The following TRPS1 variants were observed in gnomAD, a reference collection of about 807,000 sequenced individuals.
TRPS1 encodes the protein transcriptional repressor GATA binding 1, also known as zinc finger transcription factor Trps1.
In TRPS1, 6 loss-of-function variants were observed where a neutral mutation model predicts 101.2. The observed-to-expected ratio is 0.06, with a 90% CI of 0.03 to 0.12. The LOEUF (loss-of-function observed/expected upper bound fraction) is 0.12, where lower values mean the gene tolerates loss of function less well. TRPS1 is among the 10% of genes least tolerant of loss of function. The pLI, the probability that TRPS1 is intolerant of heterozygous loss-of-function variation, is 1.00. For synonymous variants in TRPS1, 578 were observed against 589.8 expected (o/e 0.98, Z 0.29); for missense variants, 1,363 against 1,567.0 (o/e 0.87, Z 2.20).
At position 115,647,394 on chromosome 8, in the gene TRPS1, G is replaced by A. The variant is rs140534112; in HGVS notation, c.-122+21151C>T. On this transcript the variant is annotated intron_variant, in intron 1 of 6. Transcript: ENST00000395715. Reference sequence around the variant, plus strand: ...AAAACTTGATAGGGATCCACGTATAGCTACTGTCTTAAAGTTCATAATTTA... The same window carrying A: ...AAAACTTGATAGGGATCCACGTATAACTACTGTCTTAAAGTTCATAATTTA... Among the ~76,000 whole-genome samples the A allele has an allele frequency of 1.1e-3, 161 of 152,248 alleles. 2 individuals carry two copies. The highest frequency in any genetic ancestry group is 3.7e-3 in the African/African-American group (155 of 41,570).
intron 1 of TRPS1, among the ~76,000 whole-genome samples, chr8:115,625,056 C>T (rs1325967926): frequency 6.6e-6 from 1 of 151,834 alleles, no homozygotes; most frequent in African/African-American, 2.4e-5. Context: ...TCAACTATCA[C>T]AGTAATTTAA....
chr8:115,538,453 C>T (rs879944950), intron 5 of TRPS1, among the ~76,000 whole-genome samples: 1 of 152,104 alleles, frequency 6.6e-6, no homozygotes, highest in Non-Finnish European at 1.5e-5. Flanking sequence ...GCATTACTAG[C>T]ACCATTTGGT....
chr8:115,653,614 A>G (rs1157647677), intron 1 of TRPS1, among the ~76,000 whole-genome samples: 1 of 152,210 alleles, frequency 6.6e-6, no homozygotes, highest in African/African-American at 2.4e-5. Context: ...TATTTACAAG[A>G]TATTTATAAA....
At position 115,443,181 on chromosome 8, in the gene TRPS1, A is replaced by G. The variant is rs189107462; in HGVS notation, c.2701-24729T>C. 8.2e-3 allele frequency among the ~76,000 whole-genome samples: 1,247 copies of G among 152,228 alleles called. 65 individuals carry two copies. Among genetic ancestry groups the G allele is most frequent in the Admixed American group, 0.074 (1,124 of 15,292 alleles). On this transcript the variant is annotated intron_variant, in intron 5 of 6. Coordinates refer to ENST00000395715, the MANE Select transcript of TRPS1 (RefSeq NM_014112.5). The stretch of plus-strand genomic sequence containing the variant: ...GCTACTTGGGAGGCTGAGGCAGGAC[A>G]ATCGCTTGAACCCAGAAGGCAAAGG...
At chr8:115,509,586 T>C (rs1815530197) in intron 5 of TRPS1, 1 of 152,076 alleles carries the variant, frequency 6.6e-6, no homozygotes, top group African/African-American at 2.4e-5. Context: ...CTAATTAATG[T>C]TCTTATCATT....
intron 5 of TRPS1, among the ~76,000 whole-genome samples, chr8:115,461,888 A>T (rs1814189095): frequency 1.3e-5 from 2 of 152,202 alleles, no homozygotes. Context: ...TAAAAATAAT[A>T]TAACGAAAGT....
chr8:115,646,890 T>G (rs1338156488), intron 1 of TRPS1, among the ~76,000 whole-genome samples: 1 of 152,180 alleles, frequency 6.6e-6, no homozygotes, highest in Non-Finnish European at 1.5e-5. Context: ...TTAAATACTA[T>G]AACTTATGAA....
chr8:115,663,707 T>G (rs1811858412), intron 1 of TRPS1, among the ~76,000 whole-genome samples: 2 of 138,390 alleles, frequency 1.4e-5, no homozygotes. Flanking sequence ...TTTGGATTTG[T>G]GCTCTTGGAA....
At chr8:115,471,596 A>T (rs1814470680) in intron 5 of TRPS1, among the ~76,000 whole-genome samples, 1 of 152,192 alleles carries the variant, frequency 6.6e-6, no homozygotes, top group Non-Finnish European at 1.5e-5. Flanking sequence ...ATGACTTCCC[A>T]ACAGTTCCCC....
chr8:115,533,446 T>TTTGTTTTTTTG (rs1343944740), intron 5 of TRPS1, among the ~76,000 whole-genome samples: 2 of 130,746 alleles, frequency 1.5e-5, no homozygotes, highest in African/African-American at 6.2e-5. Context: ...GTTTTTTTTT[T>TTTGTTTTTTTG]TTTTTTTTTT....
At chr8:115,600,162 C>A (rs1264090445) in intron 4 of TRPS1, among the ~76,000 whole-genome samples, 1 of 152,096 alleles carries the variant, frequency 6.6e-6, no homozygotes, top group African/African-American at 2.4e-5. Context: ...TTCATATAGT[C>A]TCATGTTGCT....
At chr8:115,631,881 A>T (rs1818654106) in intron 1 of TRPS1, among the ~76,000 whole-genome samples, 1 of 152,096 alleles carries the variant, frequency 6.6e-6, no homozygotes, top group South Asian at 2.1e-4. Context: ...AGAATCAGAT[A>T]TCATAGCTCT....
intron 1 of TRPS1, among the ~76,000 whole-genome samples, chr8:115,638,103 A>G (rs1462078869): frequency 6.6e-6 from 1 of 152,190 alleles, no homozygotes; most frequent in Non-Finnish European, 1.5e-5. Flanking sequence ...CAGTAGTTAA[A>G]ATAAGGGCCA....
At chr8:115,608,749 G>C (rs1034517094) in intron 3 of TRPS1, among the ~76,000 whole-genome samples, 15 of 151,688 alleles carry the variant, frequency 9.9e-5, no homozygotes, top group Admixed American at 7.9e-4. Flanking sequence ...CCACAAGTAG[G>C]CTTAGTAAAA....
chr8:115,638,029 A>C (rs1818809331), intron 1 of TRPS1, among the ~76,000 whole-genome samples: 1 of 152,210 alleles, frequency 6.6e-6, no homozygotes, highest in Non-Finnish European at 1.5e-5. Context: ...CCAGTCCCAC[A>C]GGGAGCTTTC....
intron 5 of TRPS1, among the ~76,000 whole-genome samples, chr8:115,540,256 T>C (rs1234578402): frequency 6.6e-6 from 1 of 152,184 alleles, no homozygotes; most frequent in Non-Finnish European, 1.5e-5. Context: ...AGAAAGCTAG[T>C]GGGAAAGTAT....
chr8:115,641,725 A>C lies in TRPS1; in HGVS notation c.-121-17967T>G, dbSNP rs1818900981. Among the ~76,000 whole-genome samples, 3 of 152,240 alleles carry C rather than the reference A, an allele frequency of 2.0e-5. No individual in the cohort carries two copies. The South Asian group carries it at 6.2e-4, about 32-fold the overall frequency. ...TGAAACCCCATCTCTACTAAAGTAC[A>C]AAAAATTAGCTGAGCATGGTGGCGC... is the stretch of plus-strand genomic sequence containing the variant. On this transcript the variant is annotated intron_variant, in intron 1 of 6. Coordinates refer to ENST00000395715, the MANE Select transcript of TRPS1 (RefSeq NM_014112.5).
At chr8:115,613,447 T>C (rs1430230495) in intron 3 of TRPS1, among the ~76,000 whole-genome samples, 1 of 152,174 alleles carries the variant, frequency 6.6e-6, no homozygotes, top group Non-Finnish European at 1.5e-5. Flanking sequence ...ATTTATGTCT[T>C]CTATCTCCTC....
intron 1 of TRPS1, among the ~76,000 whole-genome samples, chr8:115,630,326 T>C (rs1818611311): frequency 6.6e-6 from 1 of 151,904 alleles, no homozygotes; most frequent in African/African-American, 2.4e-5. Flanking sequence ...ATCTTCACTT[T>C]CAAATTCAGT....
Sources: gnomAD v4.1 joint callset for allele counts (sites outside exome capture counted in the v4.1 genomes callset) on GRCh38, gnomAD v4.1.1 for gene constraint, MANE v1.5 for transcripts, NCBI Gene and HGNC (gene_info 2026-07-23, HGNC 2026-07-21) for gene names.